The following KIFC3 variants were observed in gnomAD, a reference collection of about 807,000 sequenced individuals.
KIFC3 encodes the protein kinesin-like protein KIFC3.
Under a neutral mutation model 101.8 loss-of-function variants are expected in KIFC3, and 60 were observed. The observed-to-expected ratio is 0.59, with a 90% CI of 0.48 to 0.73. The LOEUF (loss-of-function observed/expected upper bound fraction) is 0.73. KIFC3 is among the 30% of genes least tolerant of loss of function. KIFC3 has a pLI of 0.00. For synonymous variants in KIFC3, 476 were observed against 482.7 expected, an observed-to-expected ratio of 0.99 and a Z score of 0.18; for missense variants, 966 against 1,137.1, an observed-to-expected ratio of 0.85 and a Z score of 2.16.
At chr16:57,806,956 C>A (rs568843047), upstream of KIFC3, among the ~76,000 whole-genome samples, 7 of 152,318 alleles carry the variant, frequency 4.6e-5, no homozygotes, top group African/African-American at 1.7e-4. Context: ...TGGTGGCTCA[C>A]GCCTGTAATC....
chr16:57,856,807 C>T (rs2056180053), intron 1 of KIFC3, among the ~76,000 whole-genome samples: 1 of 152,134 alleles, frequency 6.6e-6, no homozygotes, highest in Admixed American at 6.6e-5. Context: ...GGACCAATTC[C>T]TTAAAGCCAC....
Position 57,771,120 on chromosome 16 carries a change from G to GC in KIFC3, c.765+77dup, listed in dbSNP as rs541756883. 3,334 of 1,551,516 alleles carry GC rather than the reference G, an allele frequency of 2.1e-3. 7 individuals carry two copies. The highest frequency in any genetic ancestry group is 2.6e-3 in the Non-Finnish European group (3,003 of 1,138,174). On this transcript the variant is annotated intron_variant, in intron 6 of 19. Coordinates refer to ENST00000445690, the MANE Select transcript of KIFC3 (RefSeq NM_001130100.2). ...CACACCTACCTATTCACCAGGACAA[G>GC]CCCCCCTTATGGGCTAGCCCTGCCC...
intron 1 of KIFC3, among the ~76,000 whole-genome samples, chr16:57,829,802 G>A (rs534573716): frequency 1.1e-4 from 16 of 152,282 alleles, no homozygotes; most frequent in African/African-American, 3.6e-4. Context: ...ATGGCCAGAC[G>A]GCCACTCAGC....
chr16:57,816,305 G>A, intron 1 of KIFC3: 2 of 1,227,120 alleles, frequency 1.6e-6, no homozygotes, highest in African/African-American at 1.5e-5. Context: ...GTAAGGAAGT[G>A]CGGTGGGATC....
rs73560898 is a variant in KIFC3, at chr16:57,861,130, C to G, written c.108+1599G>C. On this transcript the variant is annotated intron_variant, in intron 1 of 2. Transcript: ENST00000563028. ...CTATTAGTATTGTTATTTTCCTATG[C>G]TACTACTGATTTCCACAAGAATTTA... Among the ~76,000 whole-genome samples the G allele has an allele frequency of 9.7e-3, 1,472 of 152,308 alleles. 20 individuals carry two copies. The highest frequency in any genetic ancestry group is 0.033 in the African/African-American group (1,360 of 41,558).
At chr16:57,838,889 T>A (rs1469486498) in intron 1 of KIFC3, among the ~76,000 whole-genome samples, 1 of 152,154 alleles carries the variant, frequency 6.6e-6, no homozygotes, top group East Asian at 1.9e-4. Context: ...GTAGCTGCGT[T>A]ACGCTTTCGG....
At chr16:57,835,508 A>G (rs183256186) in intron 1 of KIFC3, among the ~76,000 whole-genome samples, 1 of 152,360 alleles carries the variant, frequency 6.6e-6, no homozygotes, top group East Asian at 1.9e-4. Flanking sequence ...ATTACATATT[A>G]GCATTTTCTA....
chr16:57,837,550 G>A (rs141225898), intron 1 of KIFC3, among the ~76,000 whole-genome samples: 1 of 6,004 alleles, frequency 1.7e-4, no homozygotes, highest in African/African-American at 3.5e-4. Context: ...AGAAAGGAAG[G>A]AAGGAAGAAA....
Position 57,794,984 on chromosome 16 carries a change from G to A in KIFC3, c.315+15C>T, listed in dbSNP as rs782222952. 6 of 1,537,458 alleles carry A rather than the reference G, an allele frequency of 3.9e-6. No individual in the cohort carries two copies. Among genetic ancestry groups the A allele is most frequent in the Non-Finnish European group, 5.2e-6 (6 of 1,152,036 alleles). On this transcript the variant is annotated intron_variant, in intron 3 of 19. Transcript: ENST00000445690. The stretch of plus-strand genomic sequence containing the variant: ...GAGCCAAGGCACATGCAGCCTGGAA[G>A]GCCCCAGTGCTTACCTGCAGGGTCA...
intron 1 of KIFC3, among the ~76,000 whole-genome samples, chr16:57,849,892 A>G (rs547394823): frequency 5.3e-5 from 8 of 150,560 alleles, no homozygotes; most frequent in Admixed American, 1.3e-4. Context: ...AACAAGAGCA[A>G]AACTCCATCT....
chr16:57,775,733 A>T (rs1407442526), intron 3 of KIFC3: 17 of 985,620 alleles, frequency 1.7e-5, no homozygotes, highest in Non-Finnish European at 2.0e-5. Context: ...ACAAAGGGGC[A>T]GCAGGCACAT....
Position 57,761,431 on chromosome 16 carries a change from G to T in KIFC3, c.1854C>A (p.Ser618Arg), listed in dbSNP as rs12920931. 1 of 1,613,938 alleles carries T rather than the reference G, an allele frequency of 6.2e-7. No individual in the cohort carries two copies. Among genetic ancestry groups the T allele is most frequent in the South Asian group, 1.1e-5 (1 of 91,078 alleles). ...VPGLTEFQVQ[S>R]VDDINKVFEF... Reference sequence around the variant, plus strand: ...TCCACACCTTGTTGATGTCGTCCACGCTCTGCACTTGGAACTCAGTCAGCC... The same window carrying T: ...TCCACACCTTGTTGATGTCGTCCACTCTCTGCACTTGGAACTCAGTCAGCC... The change falls in exon 14 of 20, where the codon AGC becomes AGA. Residue 618 changes from serine to arginine, a missense_variant. Physicochemically the swap from Ser to Arg is moderately radical, Grantham distance 110. Transcript: ENST00000445690.
intron 1 of KIFC3, among the ~76,000 whole-genome samples, chr16:57,858,388 T>C (rs2056224466): frequency 6.6e-6 from 1 of 152,208 alleles, no homozygotes; most frequent in Non-Finnish European, 1.5e-5. Context: ...TTTTTTGTTT[T>C]ATTTTTGCTT....
chr16:57,827,223 G>C (rs751329528), intron 1 of KIFC3, among the ~76,000 whole-genome samples: 128 of 152,218 alleles, frequency 8.4e-4, no homozygotes, highest in Non-Finnish European at 1.4e-3. Context: ...GGAGCCTGGC[G>C]TCAGCGAGCT....
At chr16:57,857,558 C>A (rs1292450794) in intron 1 of KIFC3, among the ~76,000 whole-genome samples, 1 of 151,872 alleles carries the variant, frequency 6.6e-6, no homozygotes, top group African/African-American at 2.4e-5. Flanking sequence ...CCTCCCACCC[C>A]CTAACATGCC....
Position 57,758,425 on chromosome 16 carries a change from C to G in KIFC3, c.*509G>C, listed in dbSNP as rs893972768. ...GGAGGCCATGCGCCTCCGCACACCC[C>G]CCAGCTGCGGGAACCCTCCTTGAAG... On this transcript the variant is annotated 3_prime_UTR_variant, in exon 20 of 20. Coordinates refer to ENST00000445690, the MANE Select transcript of KIFC3 (RefSeq NM_001130100.2). 8.1e-6 allele frequency: 3 copies of G among 369,536 alleles called. No homozygotes were observed. Among genetic ancestry groups the G allele is most frequent in the Admixed American group, 7.5e-5 (2 of 26,740 alleles). The allele number at this position is 369,536 out of a possible 1,614,324, so 22.9% of individuals were successfully genotyped here.
intron 19 of KIFC3, 57 bp from the exon 20 acceptor site, chr16:57,758,966 C>A: frequency 6.5e-7 from 1 of 1,544,988 alleles, no homozygotes; most frequent in South Asian, 1.2e-5. Flanking sequence ...CAGCCCACAG[C>A]AGTTGCCACC....
intron 6 of KIFC3, 93 bp downstream of exon 6, chr16:57,771,105 T>C: frequency 1.4e-6 from 2 of 1,468,068 alleles, no homozygotes; most frequent in African/African-American, 1.4e-5. Flanking sequence ...CACACCTACC[T>C]ATTCACCAGG....
At chr16:57,817,792 T>C (rs1582593) in intron 1 of KIFC3, among the ~76,000 whole-genome samples, 12,424 of 152,232 alleles carry the variant, frequency 0.082, 910 homozygotes, top group East Asian at 0.21. Context: ...CAATACACCA[T>C]GTGTAATCTT....
Sources: gnomAD v4.1 joint callset for allele counts (sites outside exome capture counted in the v4.1 genomes callset) on GRCh38, gnomAD v4.1.1 for gene constraint, MANE v1.5 for transcripts, NCBI Gene and HGNC (gene_info 2026-07-23, HGNC 2026-07-21) for gene names.